The following PTP4A1 variants were observed in gnomAD, a reference collection of about 807,000 sequenced individuals.
PTP4A1 encodes protein tyrosine phosphatase type IVA 1.
In PTP4A1, 9 loss-of-function variants were observed where a neutral mutation model predicts 20.5. The observed-to-expected ratio is 0.44, with a 90% CI of 0.26 to 0.77. The LOEUF is 0.77. Ranked by LOEUF, PTP4A1 falls within the 30% of genes least tolerant of loss-of-function variation. The pLI, the probability that PTP4A1 is intolerant of heterozygous loss-of-function variation, is 0.19. For synonymous variants in PTP4A1, 78 were observed against 67.4 expected (o/e 1.16, Z -0.77); for missense variants, 137 against 218.8 (o/e 0.63, Z 2.36).
At chr6:63,578,775 T>A in intron 3 of PTP4A1, 123 bp from the exon 4 acceptor site, 12 of 1,175,828 alleles carry the variant, frequency 1.0e-5, no homozygotes, top group Middle Eastern at 5.9e-4. Context: ...CAGGGTTTAA[T>A]AAGATTTGAT....
intron 3 of PTP4A1, among the ~76,000 whole-genome samples, chr6:63,553,847 G>T (rs957976882): frequency 2.0e-5 from 3 of 152,166 alleles, no homozygotes; most frequent in Non-Finnish European, 4.4e-5. Flanking sequence ...AATTGTAATG[G>T]AGTACAATTA....
chr6:63,580,744 A>G lies in PTP4A1; in HGVS notation c.*570A>G, dbSNP rs1019073942. 7 of 141,174 alleles carry G rather than the reference A, an allele frequency of 5.0e-5. No individual in the cohort carries two copies. The highest frequency in any genetic ancestry group is 1.8e-4 in the African/African-American group (7 of 37,876). 8.7% of individuals were successfully genotyped at this position (141,174 alleles called of 1,614,324 possible). ...TAACCATTGATTTTTTTTTTTTTTT[A>G]CCAAGTCTTACAGTGATTATTTTAC... On this transcript the variant is annotated 3_prime_UTR_variant, in exon 6 of 6. Transcript: ENST00000626021.
chr6:63,574,491 C>T (rs1358526649), intron 1 of PTP4A1, among the ~76,000 whole-genome samples: 1 of 152,122 alleles, frequency 6.6e-6, no homozygotes, highest in Non-Finnish European at 1.5e-5. Flanking sequence ...TCCCCCCATC[C>T]ACTAGGTGGC....
chr6:63,572,263 G>A (rs572574367), upstream of PTP4A1: 15 of 181,416 alleles, frequency 8.3e-5, no homozygotes, highest in South Asian at 2.7e-3. Flanking sequence ...ACTCCCGGCA[G>A]CCCCTTCCCT....
At chr6:63,518,521 T>C (rs547102051), upstream of PTP4A1, among the ~76,000 whole-genome samples, 4 of 152,284 alleles carry the variant, frequency 2.6e-5, no homozygotes, top group South Asian at 6.2e-4. Context: ...TTCTTTGAGG[T>C]TGAGACTGAA....
At chr6:63,548,192 A>G (rs1399004550) in intron 2 of PTP4A1, among the ~76,000 whole-genome samples, 1 of 152,136 alleles carries the variant, frequency 6.6e-6, no homozygotes, top group Non-Finnish European at 1.5e-5. Flanking sequence ...TTTCCCTACT[A>G]TAACACTTTC....
At chr6:63,526,108 T>C (rs1775157319) in intron 1 of PTP4A1, among the ~76,000 whole-genome samples, 2 of 151,520 alleles carry the variant, frequency 1.3e-5, no homozygotes, top group Admixed American at 6.6e-5. Context: ...GCAGATCACC[T>C]GAAGTCAGGA....
rs1208685011 is a variant in PTP4A1, at chr6:63,580,922, GC to G, written c.*750del. 1.3e-5 allele frequency: 2 copies of G among 152,492 alleles called. No individual in the cohort carries two copies. Among genetic ancestry groups the G allele is most frequent in the African/African-American group, 4.8e-5 (2 of 41,444 alleles). The allele number at this position is 152,492 out of a possible 1,614,324, so 9.4% of individuals were successfully genotyped here. A position where few individuals can be genotyped will look rare whatever the true frequency, so the allele number is the denominator to read the frequency against. On this transcript the variant is annotated 3_prime_UTR_variant, in exon 6 of 6. Coordinates refer to ENST00000626021, the MANE Select transcript of PTP4A1 (RefSeq NM_003463.5). ...TCTGAGGTGCAACTTAACAGGGAGG[GC>G]CTGAGAAAAGAATGGGAGGGGGCTA...
At chr6:63,548,635 C>A in intron 2 of PTP4A1, 1 of 396,780 alleles carries the variant, frequency 2.5e-6, no homozygotes, top group South Asian at 2.9e-5. Flanking sequence ...AAACACAACC[C>A]TGATTTAATT....
At chr6:63,534,719 A>C (rs889983599) in intron 2 of PTP4A1, among the ~76,000 whole-genome samples, 2 of 150,810 alleles carry the variant, frequency 1.3e-5, no homozygotes, top group African/African-American at 2.5e-5. Flanking sequence ...AGGCTGAGGC[A>C]GGTGGATCAC....
At chr6:63,535,756 C>T (rs141578675) in intron 2 of PTP4A1, among the ~76,000 whole-genome samples, 220 of 152,196 alleles carry the variant, frequency 1.4e-3, no homozygotes, top group Non-Finnish European at 2.3e-3. Context: ...GACAGCCTTC[C>T]GGAAGATTAT....
upstream of PTP4A1, among the ~76,000 whole-genome samples, chr6:63,569,351 C>G (rs930904556): frequency 1.2e-4 from 18 of 152,196 alleles, no homozygotes; most frequent in African/African-American, 3.6e-4. Flanking sequence ...TGCCTCCCAG[C>G]TTTCCAGTGA....
upstream of PTP4A1, among the ~76,000 whole-genome samples, chr6:63,517,812 C>G (rs1774785396): frequency 6.6e-6 from 1 of 152,132 alleles, no homozygotes; most frequent in African/African-American, 2.4e-5. Context: ...TCAAAAATGT[C>G]TCTACTAGCG....
At chr6:63,575,552 C>A (rs191687591) in intron 1 of PTP4A1, among the ~76,000 whole-genome samples, 5 of 152,222 alleles carry the variant, frequency 3.3e-5, no homozygotes, top group African/African-American at 1.2e-4. Context: ...ACAGTAGTTA[C>A]CTTGCTTTTG....
intron 2 of PTP4A1, chr6:63,528,164 T>C (rs1220644882): frequency 1.3e-5 from 2 of 152,144 alleles, no homozygotes; most frequent in Non-Finnish European, 2.9e-5. Flanking sequence ...CTCCTACATA[T>C]ATTGGTTCAT....
upstream of PTP4A1, among the ~76,000 whole-genome samples, chr6:63,569,738 T>G (rs1777340606): frequency 1.3e-5 from 2 of 152,236 alleles, no homozygotes; most frequent in African/African-American, 4.8e-5. Flanking sequence ...TCCTCTATTT[T>G]AGAGCCTCTC....
intron 2 of PTP4A1, among the ~76,000 whole-genome samples, chr6:63,533,532 A>G (rs1343793460): frequency 6.6e-6 from 1 of 152,232 alleles, no homozygotes; most frequent in Non-Finnish European, 1.5e-5. Flanking sequence ...TGCTCAAGAA[A>G]TAATGCTTAC....
intron 3 of PTP4A1, among the ~76,000 whole-genome samples, chr6:63,567,239 G>C (rs1777230398): frequency 6.6e-6 from 1 of 152,058 alleles, no homozygotes; most frequent in African/African-American, 2.4e-5. Context: ...GAATGTTTTT[G>C]GTTTACTTTG....
chr6:63,549,873 G>A (rs556276415), intron 2 of PTP4A1, among the ~76,000 whole-genome samples: 38 of 152,184 alleles, frequency 2.5e-4, no homozygotes, highest in Non-Finnish European at 4.4e-4. Context: ...AACTACATAG[G>A]AATAAATTAT....
Sources: allele counts gnomAD v4.1 joint callset (sites outside exome capture counted in the v4.1 genomes callset), GRCh38; gene constraint gnomAD v4.1.1; transcripts MANE v1.5; gene names NCBI Gene and HGNC (gene_info 2026-07-23, HGNC 2026-07-21).